FRZB: variants seen among roughly 807,000 people sequenced by gnomAD.
The protein encoded by FRZB is frizzled related protein, also known as secreted frizzled-related protein 3.
FRZB carries 34 observed loss-of-function variants against 32.5 expected under a neutral mutation model. The ratio of observed to expected loss-of-function variants is 1.05; its 90% confidence interval spans 0.80 to 1.39. FRZB has a LOEUF of 1.39. FRZB is among the 40% of genes most tolerant of loss of function. FRZB has a pLI of 0.00. For missense variants in FRZB, 423 were observed against 424.8 expected, an observed-to-expected ratio of 1.00 and a Z score of 0.04; for synonymous variants, 170 against 159.2, an observed-to-expected ratio of 1.07 and a Z score of -0.51.
intron 2 of FRZB, among the ~76,000 whole-genome samples, chr2:182,852,390 C>A (rs1374747026): frequency 6.6e-6 from 1 of 152,156 alleles, no homozygotes; most frequent in Non-Finnish European, 1.5e-5. Flanking sequence ...AGTGAAAACT[C>A]TGGGAGAGCA....
At chr2:182,842,990 A>C (rs915914320) in intron 2 of FRZB, among the ~76,000 whole-genome samples, 4 of 152,126 alleles carry the variant, frequency 2.6e-5, no homozygotes, top group East Asian at 1.9e-4. Context: ...TACTCCTCCT[A>C]CTATTAGCTC....
At position 182,834,131 on chromosome 2, in the gene FRZB, A is replaced by G. The variant is rs1027275760; in HGVS notation, c.*718T>C. Reference sequence around the variant, plus strand: ...ATTAATATATTCATGAACAAATCAAATGTATTGCCAAAAGAAGAATGCTAC... The same window carrying G: ...ATTAATATATTCATGAACAAATCAAGTGTATTGCCAAAAGAAGAATGCTAC... On this transcript the variant is annotated 3_prime_UTR_variant, in exon 6 of 6. Coordinates refer to ENST00000295113, the MANE Select transcript of FRZB (RefSeq NM_001463.4). 6.6e-6 allele frequency: 1 copy of G among 152,200 alleles called. No individual in the cohort carries two copies. The highest frequency in any genetic ancestry group is 1.5e-5 in the Non-Finnish European group (1 of 68,034). 9.4% of individuals were successfully genotyped at this position (152,200 alleles called of 1,614,324 possible).
intron 2 of FRZB, among the ~76,000 whole-genome samples, chr2:182,854,920 G>A (rs931159644): frequency 7.2e-5 from 11 of 152,198 alleles, no homozygotes; most frequent in African/African-American, 2.4e-4. Context: ...AAAGGATTTT[G>A]TAAAGTTGTT....
intron 5 of FRZB, among the ~76,000 whole-genome samples, chr2:182,836,412 T>G (rs1304686910): frequency 6.6e-6 from 1 of 152,112 alleles, no homozygotes; most frequent in East Asian, 1.9e-4. Context: ...CATATGAATT[T>G]AAAATTGTTC....
chr2:182,866,627 C>G lies in FRZB; in HGVS notation c.-75G>C. 1 of 1,072,010 alleles carries G rather than the reference C, an allele frequency of 9.3e-7. No homozygotes were observed. Among genetic ancestry groups the G allele is most frequent in the Middle Eastern group, 3.1e-4 (1 of 3,188 alleles). 66.4% of individuals were successfully genotyped at this position (1,072,010 alleles called of 1,614,324 possible). A position where few individuals can be genotyped will look rare whatever the true frequency, so the allele number is the denominator to read the frequency against. On this transcript the variant is annotated 5_prime_UTR_variant, in exon 1 of 6. Coordinates refer to ENST00000295113, the MANE Select transcript of FRZB (RefSeq NM_001463.4). The surrounding 1 kb of genome is among the most constrained non-coding windows in gnomAD (Gnocchi z 4.5). ...GCCCGCTCCGCCGTCTCCGCCTCCCCCGCTGCAAGTGGACACAAGGATCTG... is the reference window on the plus strand; with the variant it reads ...GCCCGCTCCGCCGTCTCCGCCTCCCGCGCTGCAAGTGGACACAAGGATCTG...
Position 182,842,689 on chromosome 2 carries a change from G to A in FRZB, c.527-146C>T, listed in dbSNP as rs183722363. 1.7e-5 allele frequency: 10 copies of A among 603,478 alleles called. No individual in the cohort carries two copies. The South Asian group carries it at 1.8e-4, about 11-fold the overall frequency. The allele number at this position is 603,478 out of a possible 1,614,324, so 37.4% of individuals were successfully genotyped here. On this transcript the variant is annotated intron_variant, in intron 2 of 5. Coordinates refer to ENST00000295113, the MANE Select transcript of FRZB (RefSeq NM_001463.4). ...TCTGTGTGTCTGAATTTTTTCTCCT[G>A]GAACTACATTCATGTTTATTCTATC...
intron 5 of FRZB, among the ~76,000 whole-genome samples, chr2:182,837,631 A>T (rs1349868106): frequency 6.6e-6 from 1 of 151,948 alleles, no homozygotes; most frequent in Non-Finnish European, 1.5e-5. Flanking sequence ...GCCTTTAAAA[A>T]TGGTAGAGTG....
At chr2:182,863,183 C>A (rs1257681886) in intron 1 of FRZB, among the ~76,000 whole-genome samples, 1 of 152,020 alleles carries the variant, frequency 6.6e-6, no homozygotes, top group African/African-American at 2.4e-5. Context: ...TAGTTGATGT[C>A]GGGGCAGAGT....
chr2:182,854,166 C>T (rs1376408976), intron 2 of FRZB, among the ~76,000 whole-genome samples: 1 of 152,082 alleles, frequency 6.6e-6, no homozygotes, highest in Non-Finnish European at 1.5e-5. Context: ...GACTTGGAGG[C>T]TTCTGGAGTG....
intron 2 of FRZB, among the ~76,000 whole-genome samples, chr2:182,858,234 A>G (rs1409554233): frequency 6.6e-6 from 1 of 152,260 alleles, no homozygotes; most frequent in Non-Finnish European, 1.5e-5. Flanking sequence ...CGATTGCTCC[A>G]AACTGGAGAC....
intron 1 of FRZB, 133 bp from the exon 2 acceptor site, chr2:182,858,966 C>T (rs538400626): frequency 1.5e-5 from 11 of 709,768 alleles, no homozygotes; most frequent in Admixed American, 4.4e-5. Context: ...TTTTTATTAA[C>T]GTCATGAGGT....
chr2:182,860,674 C>T (rs1312794975), intron 1 of FRZB, among the ~76,000 whole-genome samples: 1 of 152,082 alleles, frequency 6.6e-6, no homozygotes, highest in Non-Finnish European at 1.5e-5. Context: ...CGAGACCAGC[C>T]TGGCCAACAT....
intron 2 of FRZB, among the ~76,000 whole-genome samples, chr2:182,852,041 T>C (rs1695715947): frequency 6.6e-6 from 1 of 152,254 alleles, no homozygotes. Context: ...TTTAAGCTAC[T>C]GTAAAATCAC....
rs186006508 is a variant in FRZB at position 182,839,136 on chromosome 2, G to A, written c.593-523C>T. Among the ~76,000 whole-genome samples the A allele has an allele frequency of 2.9e-3, 434 of 152,140 alleles. 2 individuals carry two copies. Among genetic ancestry groups the A allele is most frequent in the African/African-American group, 0.01 (423 of 41,548 alleles). ...CTCTGTAATGTTATAAAATTGTCCTGCTCAGTAGTGTTCCCAAACTGGTTC... is the reference window on the plus strand; with the variant it reads ...CTCTGTAATGTTATAAAATTGTCCTACTCAGTAGTGTTCCCAAACTGGTTC... On this transcript the variant is annotated intron_variant, in intron 3 of 5. Transcript: ENST00000295113.
At position 182,837,963 on chromosome 2, in the gene FRZB, G is replaced by GA; in HGVS notation, c.845dup (p.Gly283ArgfsTer2). Reference sequence around the variant, plus strand: ...ACAGGCTTACCTTAACTTTTTTACCGAGTCGATCCTTCCACTTCTCAGCTA... The same window carrying GA: ...ACAGGCTTACCTTAACTTTTTTACCGAAGTCGATCCTTCCACTTCTCAGCTA... On this transcript the variant is annotated frameshift_variant, in exon 5 of 6. Coordinates refer to ENST00000295113, the MANE Select transcript of FRZB (RefSeq NM_001463.4). LOFTEE classifies it high-confidence loss of function. 6.2e-7 allele frequency: 1 copy of GA among 1,611,106 alleles called. No individual in the cohort carries two copies. The highest frequency in any genetic ancestry group is 1.1e-5 in the South Asian group (1 of 90,932).
intron 2 of FRZB, among the ~76,000 whole-genome samples, chr2:182,850,594 A>T (rs1054343538): frequency 2.0e-5 from 3 of 152,200 alleles, no homozygotes; most frequent in African/African-American, 7.2e-5. Context: ...GTCATTGTGC[A>T]TATATACTAC....
chr2:182,842,146 C>T (rs1047164383), intron 3 of FRZB, among the ~76,000 whole-genome samples: 47 of 152,118 alleles, frequency 3.1e-4, no homozygotes, highest in African/African-American at 1.1e-3. Context: ...ATGGCCTATG[C>T]AACCCAACTT....
intron 2 of FRZB, among the ~76,000 whole-genome samples, chr2:182,849,753 A>G (rs1390254480): frequency 6.6e-6 from 1 of 152,266 alleles, no homozygotes; most frequent in African/African-American, 2.4e-5. Flanking sequence ...TATTAATAAG[A>G]AAAGGAAATT....
chr2:182,865,800 G>T (rs1025948096), intron 1 of FRZB, among the ~76,000 whole-genome samples: 22 of 152,346 alleles, frequency 1.4e-4, no homozygotes, highest in Admixed American at 1.1e-3. Flanking sequence ...GTAGAAGTGT[G>T]ATGGGTTTGG....
Sources: gnomAD v4.1 joint callset for allele counts (sites outside exome capture counted in the v4.1 genomes callset) on GRCh38, gnomAD v4.1.1 for gene constraint, Gnocchi (gnomAD v3.1) non-coding constraint, MANE v1.5 for transcripts, NCBI Gene and HGNC (gene_info 2026-07-23, HGNC 2026-07-21) for gene names.